ME3: variants seen among roughly 807,000 people sequenced by gnomAD.
ME3 encodes the protein malic enzyme 3.
A neutral mutation model predicts 68.9 loss-of-function variants in ME3; 48 were observed. That is an observed-to-expected ratio of 0.70 (90% CI 0.55 to 0.89). ME3 has a LOEUF of 0.89. Ranked by LOEUF, ME3 falls within the 40% of genes least tolerant of loss-of-function variation. The pLI, the probability that ME3 is intolerant of heterozygous loss-of-function variation, is 0.00. For synonymous variants in ME3, 320 were observed against 318.8 expected (o/e 1.00, Z -0.04); for missense variants, 675 against 797.4 (o/e 0.85, Z 1.85).
intron 2 of ME3, among the ~76,000 whole-genome samples, chr11:86,642,794 G>T (rs550093192): frequency 1.9e-4 from 29 of 152,198 alleles, no homozygotes; most frequent in African/African-American, 7.0e-4. Flanking sequence ...TTCATGTTTT[G>T]AAAAATCCTG....
At chr11:86,629,811 C>A (rs960154992) in intron 2 of ME3, among the ~76,000 whole-genome samples, 11 of 152,198 alleles carry the variant, frequency 7.2e-5, no homozygotes, top group African/African-American at 2.7e-4. Context: ...CTACTACCCA[C>A]CCGCTGCTGC....
intron 7 of ME3, among the ~76,000 whole-genome samples, chr11:86,476,670 A>G (rs919746287): frequency 4.6e-5 from 7 of 152,018 alleles, no homozygotes; most frequent in Non-Finnish European, 2.9e-5. Context: ...GCTCCCCTCT[A>G]TGTACACATG....
intron 2 of ME3, among the ~76,000 whole-genome samples, chr11:86,567,680 G>A (rs1419170209): frequency 6.6e-6 from 1 of 152,202 alleles, no homozygotes; most frequent in African/African-American, 2.4e-5. Context: ...TTAGCAGCTG[G>A]TAATTTCAGG....
At chr11:86,465,972 A>G (rs1056497382) in intron 7 of ME3, among the ~76,000 whole-genome samples, 4 of 152,194 alleles carry the variant, frequency 2.6e-5, no homozygotes, top group South Asian at 2.1e-4. Context: ...CTGAGAAACA[A>G]TGCCTTGTGG....
intron 14 of ME3, among the ~76,000 whole-genome samples, chr11:86,442,003 T>C (rs1949018832): frequency 2.0e-5 from 3 of 152,350 alleles, no homozygotes; most frequent in Non-Finnish European, 4.4e-5. Flanking sequence ...TTCTGGATTC[T>C]GTACCAGACA....
intron 4 of ME3, among the ~76,000 whole-genome samples, chr11:86,553,686 G>A (rs1000955248): frequency 6.6e-6 from 1 of 152,212 alleles, no homozygotes; most frequent in African/African-American, 2.4e-5. Flanking sequence ...CAAGAAGATG[G>A]TTAAGTCTGC....
intron 2 of ME3, among the ~76,000 whole-genome samples, chr11:86,597,175 C>T (rs1959630479): frequency 6.6e-6 from 1 of 152,224 alleles, no homozygotes; most frequent in Non-Finnish European, 1.5e-5. Flanking sequence ...TTCATAAGAA[C>T]TAAGGTGCAT....
chr11:86,574,130 C>G (rs1279379627), intron 2 of ME3, among the ~76,000 whole-genome samples: 1 of 152,164 alleles, frequency 6.6e-6, no homozygotes, highest in Admixed American at 6.5e-5. Context: ...AGGTTTTTAA[C>G]TTCCTTCCTT....
chr11:86,581,448 C>T (rs1958439056), intron 2 of ME3, among the ~76,000 whole-genome samples: 1 of 152,114 alleles, frequency 6.6e-6, no homozygotes, highest in Non-Finnish European at 1.5e-5. Flanking sequence ...TTTCAGTTTT[C>T]TCCCCTAGGA....
chr11:86,620,316 T>C (rs760272420), intron 2 of ME3, among the ~76,000 whole-genome samples: 1 of 152,220 alleles, frequency 6.6e-6, no homozygotes. Context: ...GCAATTTGCC[T>C]TCATGAAATG....
At chr11:86,531,999 A>AC (rs1485562878) in intron 4 of ME3, among the ~76,000 whole-genome samples, 14 of 152,062 alleles carry the variant, frequency 9.2e-5, no homozygotes, top group African/African-American at 2.9e-4. Context: ...AACCAAAAAA[A>AC]AACCAGAAAC....
At chr11:86,672,543 C>G (rs568508402) in exon 1 of ME3, 3 of 152,508 alleles carry the variant, frequency 2.0e-5, no homozygotes, top group East Asian at 3.9e-4. Flanking sequence ...ACTGCGTGCA[C>G]GTGGTTTTCC....
intron 7 of ME3, among the ~76,000 whole-genome samples, chr11:86,484,266 C>G: frequency 7.1e-6 from 1 of 140,264 alleles, no homozygotes. Flanking sequence ...TCAACATTTC[C>G]CAAGGTTCTT....
At chr11:86,513,155 G>A (rs1256407651) in intron 4 of ME3, among the ~76,000 whole-genome samples, 1 of 152,146 alleles carries the variant, frequency 6.6e-6, no homozygotes, top group African/African-American at 2.4e-5. Context: ...ATTAAAATAG[G>A]CCCTCTTTGT....
chr11:86,555,206 G>A (rs1271502062), intron 4 of ME3, among the ~76,000 whole-genome samples: 1 of 152,226 alleles, frequency 6.6e-6, no homozygotes, highest in East Asian at 1.9e-4. Context: ...GAGCTGGGCT[G>A]TGACAGGCTT....
At chr11:86,469,944 G>T (rs1253128704) in intron 7 of ME3, among the ~76,000 whole-genome samples, 1 of 151,844 alleles carries the variant, frequency 6.6e-6, no homozygotes, top group Non-Finnish European at 1.5e-5. Context: ...AGCTGTGTGT[G>T]ACGGTGTGAT....
chr11:86,458,507 G>C (rs1950060215), intron 8 of ME3, among the ~76,000 whole-genome samples: 1 of 152,120 alleles, frequency 6.6e-6, no homozygotes, highest in African/African-American at 2.4e-5. Flanking sequence ...AGGTTCGGCT[G>C]TTGCAACAGC....
chr11:86,595,320 G>GAGAGAGAGAGAGAC (rs140478684), intron 2 of ME3, among the ~76,000 whole-genome samples: 2,917 of 138,584 alleles, frequency 0.021, 332 homozygotes, highest in East Asian at 0.076. Flanking sequence ...GAGAGAGAGA[G>GAGAGAGAGAGAGAC]AGAGAGAGAG....
chr11:86,651,460 T>A (rs1213426599), intron 2 of ME3, among the ~76,000 whole-genome samples: 2 of 152,244 alleles, frequency 1.3e-5, no homozygotes, highest in Non-Finnish European at 2.9e-5. Context: ...CTGCAGCCTC[T>A]GCTGCTGATA....
Sources: allele counts gnomAD v4.1 joint callset (sites outside exome capture counted in the v4.1 genomes callset), GRCh38; gene constraint gnomAD v4.1.1; transcripts MANE v1.5; gene names NCBI Gene and HGNC (gene_info 2026-07-23, HGNC 2026-07-21).